PRDM2: variants seen among roughly 807,000 people sequenced by gnomAD.
The protein encoded by PRDM2 is PR/SET domain 2, also known as PR domain zinc finger protein 2.
A neutral mutation model predicts 130.0 loss-of-function variants in PRDM2; 30 were observed. The observed-to-expected ratio is 0.23, with a 90% CI of 0.17 to 0.31. The LOEUF (loss-of-function observed/expected upper bound fraction) is 0.31, where lower values mean the gene tolerates loss of function less well. Among genes scored for constraint, PRDM2 ranks in the 10% least tolerant of loss-of-function variants. The probability of loss-of-function intolerance (pLI) is 1.00; values close to 1 mark genes in which losing one functional copy is unlikely to be tolerated. For missense variants in PRDM2, 2,011 were observed against 2,108.4 expected (o/e 0.95, Z 0.90); for synonymous variants, 871 against 782.4 (o/e 1.11, Z -1.89).
intron 6 of PRDM2, among the ~76,000 whole-genome samples, chr1:13,763,590 G>A (rs2100594395): frequency 6.6e-6 from 1 of 152,290 alleles, no homozygotes; most frequent in East Asian, 1.9e-4. Flanking sequence ...CAAGTACAAA[G>A]TAGAGGCTTT....
chr1:13,824,362 G>A lies in PRDM2; in HGVS notation c.*1227G>A, dbSNP rs917869876. On this transcript the variant is annotated 3_prime_UTR_variant, in exon 10 of 10. Transcript: ENST00000311066. ...GGATTTTTTTTTTCAGGGCTACTAC[G>A]GTTGATCTTGCAACTCTGTAAATAT... 7.9e-5 allele frequency: 12 copies of A among 152,502 alleles called. No homozygotes were observed. Among genetic ancestry groups the A allele is most frequent in the African/African-American group, 2.7e-4 (11 of 41,410 alleles). The allele number at this position is 152,502 out of a possible 1,614,324, so 9.4% of individuals were successfully genotyped here.
At chr1:13,715,912 G>T (rs1054524186) in intron 2 of PRDM2, among the ~76,000 whole-genome samples, 3 of 152,100 alleles carry the variant, frequency 2.0e-5, no homozygotes, top group Admixed American at 6.5e-5. Context: ...TGAGTTTTTT[G>T]TGTGTGTTTG....
In PRDM2 at chr1:13,778,456, C is replaced by G. The variant is rs747736231; in HGVS notation, c.661C>G (p.Leu221Val). ...EDEEKPSASALEQPATLQEVA... is the reference protein window; with the variant it reads ...EDEEKPSASAVEQPATLQEVA... ...CGAAGAGAAGCCTTCAGCCTCAGCACTTGAGCAGCCGGCCACCCTCCAGGA... is the reference window on the plus strand; with the variant it reads ...CGAAGAGAAGCCTTCAGCCTCAGCAGTTGAGCAGCCGGCCACCCTCCAGGA... Residue 221 changes from leucine to valine, a missense_variant, in exon 8 of 10, where the codon CTT (leucine) becomes GTT (valine). Leu to Val is a conservative substitution (Grantham distance 32). Coordinates refer to ENST00000311066, the MANE Select transcript of PRDM2 (RefSeq NM_001393986.1). 3.1e-6 allele frequency: 5 copies of G among 1,613,566 alleles called. No individual in the cohort carries two copies. The highest frequency in any genetic ancestry group is 1.1e-5 in the South Asian group (1 of 91,026).
intron 8 of PRDM2, among the ~76,000 whole-genome samples, chr1:13,792,784 T>C (rs1036671300): frequency 5.9e-5 from 9 of 152,222 alleles, no homozygotes; most frequent in African/African-American, 2.2e-4. Flanking sequence ...GTCACTGGCC[T>C]TTCCAGCGCG....
intron 1 of PRDM2, among the ~76,000 whole-genome samples, chr1:13,713,483 G>A (rs1642434367): frequency 6.6e-6 from 1 of 152,220 alleles, no homozygotes; most frequent in Non-Finnish European, 1.5e-5. Context: ...GCAGCACAGT[G>A]CCTGCAAGTC....
Position 13,806,100 on chromosome 1 carries a change from G to A in PRDM2, c.5037-10327G>A, listed in dbSNP as rs1645082202. ...CAGCCCCCAGGATGCTCAATGCAGT[G>A]GTTGGTTTCCAGTCCCATCTCCCTT... is the stretch of plus-strand genomic sequence containing the variant. On this transcript the variant is annotated intron_variant, in intron 8 of 9. Transcript: ENST00000311066. The surrounding 1 kb of genome is among the most constrained non-coding windows in gnomAD (Gnocchi z 4.1). Among the ~76,000 whole-genome samples the A allele has an allele frequency of 6.6e-6, 1 of 152,130 alleles. No individual in the cohort carries two copies. The highest frequency in any genetic ancestry group is 2.4e-5 in the African/African-American group (1 of 41,432).
intron 1 of PRDM2, among the ~76,000 whole-genome samples, chr1:13,714,837 G>T (rs1341078432): frequency 6.6e-6 from 1 of 152,166 alleles, no homozygotes; most frequent in Admixed American, 6.5e-5. Context: ...AATTTATTAT[G>T]AATTACATCA....
Position 13,780,601 on chromosome 1 carries a change from C to T in PRDM2, c.2806C>T (p.Pro936Ser), listed in dbSNP as rs377670869. ...DLGPGSGFPA[P>S]TVESTPDVCP... is the part of the protein sequence containing the mutation. ...CGGTCCGGGCTCTGGTTTCCCTGCCCCTACTGTTGAGTCCACACCTGATGT... is the reference window on the plus strand; with the variant it reads ...CGGTCCGGGCTCTGGTTTCCCTGCCTCTACTGTTGAGTCCACACCTGATGT... The change falls in exon 8 of 10, where the codon CCT (proline) becomes TCT (serine). Residue 936 changes from proline (P) to serine (S), a missense_variant. Physicochemically the swap from Pro to Ser is moderately conservative, Grantham distance 74. This residue lies in a region of PRDM2 where 1,288 missense variants were observed against 1,237.7 expected (regional missense o/e 1.04). Coordinates refer to ENST00000311066, the MANE Select transcript of PRDM2 (RefSeq NM_001393986.1). 6.2e-7 allele frequency: 1 copy of T among 1,614,068 alleles called. No homozygotes were observed. Among genetic ancestry groups the T allele is most frequent in the Non-Finnish European group, 8.5e-7 (1 of 1,179,996 alleles).
intron 2 of PRDM2, chr1:13,717,364 CG>C (rs1378985026): frequency 1.0e-6 from 1 of 970,420 alleles, no homozygotes; most frequent in East Asian, 1.1e-4. Flanking sequence ...CAAAGGAGCT[CG>C]GTTCTCTGCA....
chr1:13,797,047 CTTTAA>C (rs2100721322), intron 8 of PRDM2, among the ~76,000 whole-genome samples: 1 of 152,278 alleles, frequency 6.6e-6, no homozygotes, highest in South Asian at 2.1e-4. Context: ...ATCCTATGTC[CTTTAA>C]TTTATGTTTA....
chr1:13,710,632 T>C (rs1642339896), intron 1 of PRDM2, among the ~76,000 whole-genome samples: 1 of 152,188 alleles, frequency 6.6e-6, no homozygotes, highest in Non-Finnish European at 1.5e-5. Flanking sequence ...GTTAGACTTA[T>C]TCGAGGGGTG....
At chr1:13,786,363 G>A in intron 8 of PRDM2, 1 of 994,314 alleles carries the variant, frequency 1.0e-6, no homozygotes, top group Non-Finnish European at 1.5e-6. Flanking sequence ...TGTCTTCTGG[G>A]TAGGACGCTC....
intron 8 of PRDM2, among the ~76,000 whole-genome samples, chr1:13,798,829 C>A (rs866255468): frequency 1.2e-4 from 19 of 152,206 alleles, no homozygotes; most frequent in African/African-American, 4.6e-4. Flanking sequence ...GGATGACTTT[C>A]CTTGCACATT....
intron 8 of PRDM2, among the ~76,000 whole-genome samples, chr1:13,804,396 C>G (rs1446220764): frequency 6.6e-6 from 1 of 152,196 alleles, no homozygotes; most frequent in Non-Finnish European, 1.5e-5. Flanking sequence ...CAGCTCCTCT[C>G]CAGGCTTCAG....
In PRDM2 at chr1:13,753,388, T is replaced by G. The variant is rs552989142; in HGVS notation, c.511+3901T>G. 7.2e-5 allele frequency among the ~76,000 whole-genome samples: 11 copies of G among 152,340 alleles called. No homozygotes were observed. In the South Asian group the frequency reaches 2.3e-3, roughly 32 times the overall value. ...ATCAGCTATAGCTTATAAGTATTTA[T>G]CTCAGCGACTCTTAGTCACCACAGA... On this transcript the variant is annotated intron_variant, in intron 6 of 9. Coordinates refer to ENST00000311066, the MANE Select transcript of PRDM2 (RefSeq NM_001393986.1).
intron 8 of PRDM2, among the ~76,000 whole-genome samples, chr1:13,796,966 C>T (rs924708997): frequency 1.3e-5 from 2 of 152,184 alleles, no homozygotes; most frequent in Admixed American, 6.5e-5. Context: ...GCAATCAATT[C>T]CTTTCTCAGC....
chr1:13,781,371 G>A lies in PRDM2; in HGVS notation c.3576G>A (p.Val1192=), dbSNP rs763981507. 1.2e-6 allele frequency: 2 copies of A among 1,614,028 alleles called. No individual in the cohort carries two copies. The highest frequency in any genetic ancestry group is 1.6e-4 in the Middle Eastern group (1 of 6,084). The change falls in exon 8 of 10, where the codon GTG becomes GTA. Residue 1192 remains valine (V), a synonymous_variant. Coordinates refer to ENST00000311066, the MANE Select transcript of PRDM2 (RefSeq NM_001393986.1). This position sits in a 1 kb window ranked among gnomAD's most constrained non-coding sequence, Gnocchi z 6.1. ...TTCATGGAGTTGGGAATATCTTTGT[G>A]TGTTCTGTTTGTAAAAAAGAATTTG... is the stretch of plus-strand genomic sequence containing the variant. ...FLLHGVGNIF[V]CSVCKKEFAF...
At chr1:13,700,731 A>T (rs1420512074) in intron 1 of PRDM2, among the ~76,000 whole-genome samples, 16 of 151,906 alleles carry the variant, frequency 1.1e-4, no homozygotes, top group Admixed American at 1.0e-3. Context: ...TTGTGTTCCC[A>T]CTGAGTGTGT....
Position 13,721,388 on chromosome 1 carries a change from T to C in PRDM2, c.9+5774T>C, listed in dbSNP as rs979030487. Among the ~76,000 whole-genome samples, 4 of 151,998 alleles carry C rather than the reference T, an allele frequency of 2.6e-5. No homozygotes were observed. The South Asian group carries it at 8.3e-4, about 31-fold the overall frequency. On this transcript the variant is annotated intron_variant, in intron 2 of 9. Coordinates refer to ENST00000311066, the MANE Select transcript of PRDM2 (RefSeq NM_001393986.1). ...AGTTGAAACCACTTTCACTGTTTTATCATATTATTAATATAGAAGTATATT... is the reference window on the plus strand; with the variant it reads ...AGTTGAAACCACTTTCACTGTTTTACCATATTATTAATATAGAAGTATATT...
Sources: gnomAD v4.1 joint callset for allele counts (sites outside exome capture counted in the v4.1 genomes callset) on GRCh38, gnomAD v4.1.1 for gene constraint, gnomAD v4.1.1 regional missense constraint, Gnocchi (gnomAD v3.1) non-coding constraint, MANE v1.5 for transcripts, NCBI Gene and HGNC (gene_info 2026-07-23, HGNC 2026-07-21) for gene names.